The following CAMKMT variants were observed in gnomAD, a reference collection of about 807,000 sequenced individuals.
CAMKMT encodes CaM KMT.
A neutral mutation model predicts 48.0 loss-of-function variants in CAMKMT; 53 were observed. The ratio of observed to expected loss-of-function variants is 1.10; its 90% CI spans 0.89 to 1.39. The LOEUF is 1.39. Among genes scored for constraint, CAMKMT ranks in the 40% most tolerant of loss-of-function variants. CAMKMT has a pLI of 0.00. For missense variants in CAMKMT, 428 were observed against 402.7 expected (o/e 1.06, Z -0.54); for synonymous variants, 165 against 152.3 (o/e 1.08, Z -0.61).
chr2:44,666,801 G>T (rs585700), intron 3 of CAMKMT, among the ~76,000 whole-genome samples: 1 of 151,870 alleles, frequency 6.6e-6, no homozygotes, highest in Non-Finnish European at 1.5e-5. Context: ...GTAAAGATGG[G>T]ATTTCTCCAC....
At chr2:44,695,661 G>A (rs1030024320) in intron 3 of CAMKMT, among the ~76,000 whole-genome samples, 1 of 152,102 alleles carries the variant, frequency 6.6e-6, no homozygotes, top group Non-Finnish European at 1.5e-5. Context: ...ATAAACCCAC[G>A]TGAATGACAC....
intron 8 of CAMKMT, among the ~76,000 whole-genome samples, chr2:44,751,063 G>GA (rs2104385454): frequency 6.6e-6 from 1 of 152,224 alleles, no homozygotes; most frequent in African/African-American, 2.4e-5. Flanking sequence ...CATAGCAGCT[G>GA]AATGAGAGGA....
chr2:44,751,716 T>C (rs1234743398), intron 8 of CAMKMT, among the ~76,000 whole-genome samples: 1 of 152,212 alleles, frequency 6.6e-6, no homozygotes, highest in Non-Finnish European at 1.5e-5. Flanking sequence ...CTTGTATTAG[T>C]CCATCTTGCG....
intron 3 of CAMKMT, among the ~76,000 whole-genome samples, chr2:44,622,548 G>A (rs1672258063): frequency 6.6e-6 from 1 of 152,104 alleles, no homozygotes; most frequent in African/African-American, 2.4e-5. Flanking sequence ...TTGAATCTGT[G>A]TGTACTTAAT....
intron 1 of CAMKMT, 41 bp downstream of exon 1, chr2:44,362,186 C>T (rs371714797): frequency 2.8e-5 from 40 of 1,412,976 alleles, no homozygotes; most frequent in Non-Finnish European, 3.6e-5. Context: ...CCTCTGGTCA[C>T]TCCTCTCTCA....
intron 3 of CAMKMT, among the ~76,000 whole-genome samples, chr2:44,562,724 C>G (rs1668388476): frequency 6.6e-6 from 1 of 152,182 alleles, no homozygotes; most frequent in Non-Finnish European, 1.5e-5. Flanking sequence ...CCACACCCAG[C>G]TAATTCTTGT....
rs1681139096 is a variant in CAMKMT at position 44,772,057 on chromosome 2, A to T, written c.916A>T (p.Ile306Leu). 1.9e-6 allele frequency: 3 copies of T among 1,613,598 alleles called. No individual in the cohort carries two copies. Among genetic ancestry groups the T allele is most frequent in the Non-Finnish European group, 8.5e-7 (1 of 1,179,786 alleles). ...HSKLKKENPD[I>L]YEENLHYPLL... ...TCAGTTGAAAAAGGAAAACCCGGAC[A>T]TATATGAAGAAAACCTTCATTACCC... The change falls in exon 11 of 11, where the codon ATA becomes TTA. Residue 306 changes from isoleucine to leucine, a missense_variant. By Grantham distance (5) the Ile-to-Leu change is conservative (BLOSUM62 2). Coordinates refer to ENST00000378494, the MANE Select transcript of CAMKMT (RefSeq NM_024766.5).
At chr2:44,390,332 A>G in intron 3 of CAMKMT, 27 bp downstream of exon 3, 1 of 1,484,268 alleles carries the variant, frequency 6.7e-7, no homozygotes. Flanking sequence ...CTCTATAGAA[A>G]TATATTTAGT....
chr2:44,389,847 C>T (rs1172742425), intron 2 of CAMKMT, among the ~76,000 whole-genome samples: 1 of 152,026 alleles, frequency 6.6e-6, no homozygotes, highest in Admixed American at 6.6e-5. Context: ...ATTTTTTGTG[C>T]TGTTATAGAG....
intron 7 of CAMKMT, among the ~76,000 whole-genome samples, chr2:44,727,642 A>G (rs1370794279): frequency 1.3e-5 from 2 of 152,146 alleles, no homozygotes; most frequent in African/African-American, 4.8e-5. Flanking sequence ...TTCTAGTACT[A>G]TATTGAATAG....
chr2:44,502,000 C>A (rs1263278796), intron 3 of CAMKMT, among the ~76,000 whole-genome samples: 2 of 152,128 alleles, frequency 1.3e-5, no homozygotes, highest in African/African-American at 4.8e-5. Flanking sequence ...ATAGGCCAGG[C>A]GCAGTGCCTC....
Position 44,618,173 on chromosome 2 carries a change from C to T in CAMKMT, c.377-86110C>T, listed in dbSNP as rs545056608. Among the ~76,000 whole-genome samples, 10 of 152,316 alleles carry T rather than the reference C, an allele frequency of 6.6e-5. No individual in the cohort carries two copies. Among genetic ancestry groups the T allele is most frequent in the African/African-American group, 2.4e-4 (10 of 41,574 alleles). ...AATAGGTCACCTTCCCAAGTGCAAGCAGGCAAGCTGTTATTGATCAAAGAG... is the reference window on the plus strand; with the variant it reads ...AATAGGTCACCTTCCCAAGTGCAAGTAGGCAAGCTGTTATTGATCAAAGAG... On this transcript the variant is annotated intron_variant, in intron 3 of 10. Coordinates refer to ENST00000378494, the MANE Select transcript of CAMKMT (RefSeq NM_024766.5). This position sits in a 1 kb window ranked among gnomAD's most constrained non-coding sequence, Gnocchi z 4.0.
intron 3 of CAMKMT, among the ~76,000 whole-genome samples, chr2:44,411,854 A>C (rs1415695721): frequency 6.6e-6 from 1 of 151,898 alleles, no homozygotes; most frequent in African/African-American, 2.4e-5. Flanking sequence ...GGGGGCTTCA[A>C]TTTCAGCTAA....
At chr2:44,721,155 T>C (rs1174463629) in intron 7 of CAMKMT, among the ~76,000 whole-genome samples, 1 of 152,176 alleles carries the variant, frequency 6.6e-6, no homozygotes, top group East Asian at 1.9e-4. Context: ...TGTATAATTT[T>C]ATTGGATAAA....
intron 3 of CAMKMT, among the ~76,000 whole-genome samples, chr2:44,604,227 A>C (rs1240022605): frequency 1.3e-5 from 2 of 152,294 alleles, no homozygotes; most frequent in Middle Eastern, 3.4e-3. Flanking sequence ...CATTTTCTTA[A>C]AATCTGTTTT....
At chr2:44,756,232 C>T (rs965537432) in intron 9 of CAMKMT, among the ~76,000 whole-genome samples, 4 of 152,356 alleles carry the variant, frequency 2.6e-5, no homozygotes, top group Middle Eastern at 3.4e-3. Flanking sequence ...CTGTCCAGAG[C>T]ATGGGAGCAA....
chr2:44,532,066 T>TACAGGACCCAATTAA (rs1666513180), intron 3 of CAMKMT, among the ~76,000 whole-genome samples: 1 of 152,218 alleles, frequency 6.6e-6, no homozygotes. Context: ...ACAGAATGTG[T>TACAGGACCCAATTAA]ATATGTAGGT....
intron 3 of CAMKMT, among the ~76,000 whole-genome samples, chr2:44,603,431 A>T (rs1178153386): frequency 6.6e-6 from 1 of 152,192 alleles, no homozygotes; most frequent in East Asian, 1.9e-4. Context: ...TTTATTAATT[A>T]TACATATTTA....
At chr2:44,594,237 C>T (rs760106742) in intron 3 of CAMKMT, among the ~76,000 whole-genome samples, 6 of 152,084 alleles carry the variant, frequency 3.9e-5, no homozygotes, top group African/African-American at 9.7e-5. Context: ...CCATACTGCC[C>T]GAAGTAATTT....
Sources: allele counts gnomAD v4.1 joint callset (sites outside exome capture counted in the v4.1 genomes callset), GRCh38; gene constraint gnomAD v4.1.1; non-coding constraint Gnocchi (gnomAD v3.1); transcripts MANE v1.5; gene names NCBI Gene and HGNC (gene_info 2026-07-23, HGNC 2026-07-21).